The following GLIS1 variants were observed in gnomAD, a reference collection of about 807,000 sequenced individuals.
GLIS1 encodes zinc finger protein GLIS1.
A neutral mutation model predicts 63.8 loss-of-function variants in GLIS1; 24 were observed. The ratio of observed to expected loss-of-function variants is 0.38; its 90% CI spans 0.27 to 0.53. The LOEUF (loss-of-function observed/expected upper bound fraction) is 0.53. GLIS1 is among the 20% of genes least tolerant of loss of function. The pLI, the probability that GLIS1 is intolerant of heterozygous loss-of-function variation, is 0.85. For synonymous variants in GLIS1, 450 were observed against 482.5 expected (o/e 0.93, Z 0.88); for missense variants, 1,036 against 1,074.1 (o/e 0.96, Z 0.50).
chr1:53,585,571 T>A (rs1429698290), intron 4 of GLIS1, among the ~76,000 whole-genome samples: 1 of 42,374 alleles, frequency 2.4e-5, no homozygotes, highest in Admixed American at 3.1e-4. Flanking sequence ...GGGATGGAGG[T>A]GGAAGTGAGG....
intron 2 of GLIS1, among the ~76,000 whole-genome samples, chr1:53,643,526 T>C (rs1467025674): frequency 1.3e-5 from 2 of 152,164 alleles, no homozygotes; most frequent in African/African-American, 4.8e-5. Context: ...TCCCCACCTG[T>C]ACAATGACCA....
Position 53,511,876 on chromosome 1 carries a change from C to T in GLIS1, c.1884-1849G>A, listed in dbSNP as rs1336629272. 6.6e-6 allele frequency among the ~76,000 whole-genome samples: 1 copy of T among 152,222 alleles called. No homozygotes were observed. The highest frequency in any genetic ancestry group is 1.5e-5 in the Non-Finnish European group (1 of 68,040). ...CTGGGCACCCACAACCCAGCCCTCC[C>T]CTGGTTTCCTGAAGCCCCTGTAGGG... On this transcript the variant is annotated intron_variant, in intron 8 of 10. Coordinates refer to ENST00000628545, the MANE Select transcript of GLIS1 (RefSeq NM_001367484.1). The surrounding 1 kb of genome is among the most constrained non-coding windows in gnomAD (Gnocchi z 4.2).
chr1:53,520,738 T>C lies in GLIS1; in HGVS notation c.1622A>G (p.Asp541Gly). ...CAGGACCAGACACTCGGTCAGGACG[T>C]CGGCCTCGGTGTCAGGGCCCGCATG... The part of the protein sequence containing the change: ...KLHAGPDTEA[D>G]VLTECLVLQQ... Residue 541 changes from aspartate to glycine, a missense_variant, in exon 7 of 11, where the codon GAC becomes GGC. Coordinates refer to ENST00000628545, the MANE Select transcript of GLIS1 (RefSeq NM_001367484.1). 2 of 1,607,386 alleles carry C rather than the reference T, an allele frequency of 1.2e-6. No individual in the cohort carries two copies. The highest frequency in any genetic ancestry group is 8.5e-7 in the Non-Finnish European group (1 of 1,177,392).
chr1:53,641,190 C>A (rs1345201132), intron 2 of GLIS1, among the ~76,000 whole-genome samples: 3 of 152,188 alleles, frequency 2.0e-5, no homozygotes, highest in Non-Finnish European at 4.4e-5. Flanking sequence ...CCAGGGTTTG[C>A]ATACAAAAGG....
intron 2 of GLIS1, among the ~76,000 whole-genome samples, chr1:53,660,559 GAGGA>G (rs557555779): frequency 2.8e-4 from 43 of 152,318 alleles, no homozygotes; most frequent in Admixed American, 1.4e-3. Flanking sequence ...AAGAAGGGTA[GAGGA>G]GGACAGGACG....
intron 2 of GLIS1, among the ~76,000 whole-genome samples, chr1:53,674,430 A>G (rs1343921435): frequency 6.6e-6 from 1 of 152,246 alleles, no homozygotes; most frequent in East Asian, 1.9e-4. Flanking sequence ...AGGAAAGTGT[A>G]AGAAACACTG....
intron 4 of GLIS1, among the ~76,000 whole-genome samples, chr1:53,538,441 A>C (rs1011021182): frequency 6.6e-6 from 1 of 152,144 alleles, no homozygotes; most frequent in Admixed American, 6.5e-5. Flanking sequence ...ACAGAGGTGG[A>C]AACTGAGTTT....
chr1:53,593,671 AG>A (rs1645215424), intron 4 of GLIS1, among the ~76,000 whole-genome samples: 1 of 152,194 alleles, frequency 6.6e-6, no homozygotes, highest in African/African-American at 2.4e-5. Flanking sequence ...TAGAAGGCCC[AG>A]GGAACCTCAC....
intron 2 of GLIS1, among the ~76,000 whole-genome samples, chr1:53,644,484 G>C (rs1225703581): frequency 6.6e-6 from 1 of 152,224 alleles, no homozygotes; most frequent in African/African-American, 2.4e-5. Context: ...CCGTACAGAA[G>C]AGGAGGTGAC....
At chr1:53,717,496 G>C (rs142664424) in intron 2 of GLIS1, among the ~76,000 whole-genome samples, 1 of 152,042 alleles carries the variant, frequency 6.6e-6, no homozygotes, top group Non-Finnish European at 1.5e-5. Context: ...TGCCTTTTTG[G>C]GGGGTGCCCA....
At chr1:53,542,258 G>A (rs1188058711) in intron 4 of GLIS1, among the ~76,000 whole-genome samples, 3 of 152,268 alleles carry the variant, frequency 2.0e-5, no homozygotes, top group African/African-American at 7.2e-5. Flanking sequence ...CCGGGGGGAA[G>A]GAGATGACTT....
chr1:53,717,893 C>A (rs978749170), intron 2 of GLIS1, among the ~76,000 whole-genome samples: 1 of 152,078 alleles, frequency 6.6e-6, no homozygotes, highest in Non-Finnish European at 1.5e-5. Context: ...AAAAAAAAAA[C>A]TTGCTTTCCA....
intron 2 of GLIS1, among the ~76,000 whole-genome samples, chr1:53,700,176 C>A (rs1355945598): frequency 6.6e-6 from 1 of 152,180 alleles, no homozygotes; most frequent in South Asian, 2.1e-4. Context: ...TGCGCAAGGC[C>A]CTCGGCCTGG....
At chr1:53,549,544 T>C (rs1183907021) in intron 4 of GLIS1, among the ~76,000 whole-genome samples, 1 of 152,264 alleles carries the variant, frequency 6.6e-6, no homozygotes, top group Non-Finnish European at 1.5e-5. Context: ...CAACTTTTCA[T>C]GTGCTTTGGG....
intron 2 of GLIS1, among the ~76,000 whole-genome samples, chr1:53,634,712 A>G (rs1043704719): frequency 6.6e-6 from 1 of 152,150 alleles, no homozygotes; most frequent in Non-Finnish European, 1.5e-5. Context: ...GCTGCGGCCA[A>G]TTGAAGGCAG....
intron 2 of GLIS1, among the ~76,000 whole-genome samples, chr1:53,622,383 G>A (rs1485278200): frequency 2.2e-5 from 3 of 138,770 alleles, no homozygotes; most frequent in South Asian, 2.4e-4. Flanking sequence ...AGCCGAGATC[G>A]CACCACTGCA....
chr1:53,545,277 G>A (rs968061422), intron 4 of GLIS1, among the ~76,000 whole-genome samples: 1 of 152,172 alleles, frequency 6.6e-6, no homozygotes, highest in African/African-American at 2.4e-5. Context: ...AGACACTGTG[G>A]TCCATGGACC....
chr1:53,522,986 C>CTTTTTTTTT (rs1553120127), intron 6 of GLIS1, among the ~76,000 whole-genome samples: 5 of 43,682 alleles, frequency 1.1e-4, no homozygotes, highest in African/African-American at 1.8e-4. Flanking sequence ...TCTTTTCTTT[C>CTTTTTTTTT]TTTTTTTTTT....
chr1:53,703,639 TAAA>T lies in GLIS1; in HGVS notation c.259+34164_259+34166del, dbSNP rs59555116. ...GGATGACAGAGTGAGACCCTGTCTC[TAAA>T]AAAAAAAAAAAAAAAAAAAGCATGA... On this transcript the variant is annotated intron_variant, in intron 2 of 10. Transcript: ENST00000628545. Among the ~76,000 whole-genome samples, 8 of 71,660 alleles carry T rather than the reference TAAA, an allele frequency of 1.1e-4. No individual in the cohort carries two copies. The South Asian group carries it at 1.8e-3, about 16-fold the overall frequency. The allele number at this position is 71,660 out of a possible 152,430, so 47.0% of individuals were successfully genotyped here. A position where few individuals can be genotyped will look rare whatever the true frequency, so the allele number is the denominator to read the frequency against.
Sources: gnomAD v4.1 joint callset for allele counts (sites outside exome capture counted in the v4.1 genomes callset) on GRCh38, gnomAD v4.1.1 for gene constraint, Gnocchi (gnomAD v3.1) non-coding constraint, MANE v1.5 for transcripts, NCBI Gene and HGNC (gene_info 2026-07-23, HGNC 2026-07-21) for gene names.